Variants in SEM1 observed in about 807,000 individuals in gnomAD.
The protein encoded by SEM1 is 26S proteasome complex subunit SEM1.
A neutral mutation model predicts 12.7 loss-of-function variants in SEM1; 3 were observed. The observed-to-expected ratio is 0.24, with a 90% confidence interval of 0.11 to 0.61. SEM1 has a LOEUF of 0.61. Ranked by LOEUF, SEM1 falls within the 20% of genes least tolerant of loss-of-function variation. The pLI is 0.88. For synonymous variants in SEM1, 30 were observed against 27.8 expected (o/e 1.08, Z -0.25); for missense variants, 59 against 81.3 (o/e 0.73, Z 1.06).
chr7:96,500,212 C>T, upstream of SEM1, among the ~76,000 whole-genome samples: 1 of 151,768 alleles, frequency 6.6e-6, no homozygotes, highest in Non-Finnish European at 1.5e-5. Context: ...ACACCCAGGG[C>T]AGTCTTGAGA....
downstream of SEM1, chr7:96,622,285 T>C (rs1377674910): frequency 1.2e-5 from 3 of 259,596 alleles, no homozygotes; most frequent in South Asian, 1.4e-4. Context: ...AAAATAAAAC[T>C]AATGTGCTAA....
At chr7:96,630,627 T>G (rs968415892) in intron 2 of SEM1, among the ~76,000 whole-genome samples, 2 of 152,170 alleles carry the variant, frequency 1.3e-5, no homozygotes, top group African/African-American at 4.8e-5. Context: ...TCTATCCCCC[T>G]GTAGCCAAGG....
At chr7:96,693,788 G>GTA (rs1254488297) in intron 2 of SEM1, among the ~76,000 whole-genome samples, 4 of 147,922 alleles carry the variant, frequency 2.7e-5, no homozygotes, top group Non-Finnish European at 6.0e-5. Flanking sequence ...GTGTGTGTGT[G>GTA]TGTATATATA....
rs377113629 is a variant in SEM1, at chr7:96,487,161, C to T, written c.13-744G>A. On this transcript the variant is annotated intron_variant, in intron 1 of 3. Coordinates refer to the SEM1 transcript ENST00000356686. The stretch of plus-strand genomic sequence containing the variant: ...ACCAGTAAGTTACTAACCTGAGGTG[C>T]AACTTTTAAGGGAGTATCACACAGT... Among the ~76,000 whole-genome samples, 10 of 141,296 alleles carry T rather than the reference C, an allele frequency of 7.1e-5. No homozygotes were observed. The South Asian group carries it at 2.1e-3, about 29-fold the overall frequency. 92.7% of individuals were successfully genotyped at this position (141,296 alleles called of 152,430 possible).
intron 2 of SEM1, among the ~76,000 whole-genome samples, chr7:96,592,272 C>T (rs1169572867): frequency 1.3e-5 from 2 of 151,820 alleles, no homozygotes. Context: ...TCCTTAGCCT[C>T]GGGCTTCGAT....
At chr7:96,494,107 A>C (rs1164726728) in intron 1 of SEM1, among the ~76,000 whole-genome samples, 1 of 152,162 alleles carries the variant, frequency 6.6e-6, no homozygotes, top group Non-Finnish European at 1.5e-5. Flanking sequence ...ACTGCTTTAC[A>C]CCTAGGAAGA....
chr7:96,599,235 T>G (rs1056481943), intron 2 of SEM1, among the ~76,000 whole-genome samples: 1 of 152,102 alleles, frequency 6.6e-6, no homozygotes, highest in African/African-American at 2.4e-5. Context: ...AATGAACAAG[T>G]ATTTTTTGCC....
upstream of SEM1, among the ~76,000 whole-genome samples, chr7:96,499,126 G>C (rs1803414295): frequency 6.6e-6 from 1 of 152,056 alleles, no homozygotes; most frequent in Admixed American, 6.6e-5. Context: ...TAAATAATGG[G>C]TTTATCCTGA....
At chr7:96,540,746 C>A (rs543720884) in intron 2 of SEM1, among the ~76,000 whole-genome samples, 17 of 151,796 alleles carry the variant, frequency 1.1e-4, no homozygotes, top group African/African-American at 3.6e-4. Flanking sequence ...AGGTTTTCAA[C>A]CCCCCAGTAG....
intron 2 of SEM1, among the ~76,000 whole-genome samples, chr7:96,568,790 TAAAAC>T (rs1805930440): frequency 6.6e-6 from 1 of 151,864 alleles, no homozygotes; most frequent in African/African-American, 2.4e-5. Flanking sequence ...ATAAAATAAA[TAAAAC>T]AAAACTTGTG....
At chr7:96,554,662 T>G (rs939299196) in intron 2 of SEM1, among the ~76,000 whole-genome samples, 1 of 151,706 alleles carries the variant, frequency 6.6e-6, no homozygotes, top group African/African-American at 2.4e-5. Context: ...ATTCTCTTTT[T>G]TTGTTGTGTC....
intron 2 of SEM1, among the ~76,000 whole-genome samples, chr7:96,613,801 G>T (rs779298913): frequency 2.0e-5 from 3 of 152,142 alleles, no homozygotes; most frequent in Admixed American, 6.5e-5. Context: ...TACACTATTT[G>T]TCTCACTATG....
At position 96,508,888 on chromosome 7, in the gene SEM1, T is replaced by C. The variant is rs576469539; in HGVS notation, c.171-2190A>G. Among the ~76,000 whole-genome samples the C allele has an allele frequency of 2.6e-5, 4 of 152,258 alleles. No homozygotes were observed. The South Asian group carries it at 6.2e-4, about 24-fold the overall frequency. Reference sequence around the variant, plus strand: ...AAATAAAGATGTATTCTGTAATACGTCTTTACTTGATAACTCTAAATCAGG... The same window carrying C: ...AAATAAAGATGTATTCTGTAATACGCCTTTACTTGATAACTCTAAATCAGG... On this transcript the variant is annotated intron_variant and NMD_transcript_variant, in intron 2 of 3. Transcript: ENST00000466986.
chr7:96,709,567 C>A lies in SEM1; in HGVS notation c.76+121G>T, dbSNP rs561581649. 13 of 878,774 alleles carry A rather than the reference C, an allele frequency of 1.5e-5. No homozygotes were observed. In the South Asian group the frequency reaches 2.0e-4, roughly 14 times the overall value. 54.4% of individuals were successfully genotyped at this position (878,774 alleles called of 1,614,324 possible). ...GGGTGAGCGTTAGCGCCTCGAGTGC[C>A]GGCCCTGGGAGTCCAAACTTCCCGC... On this transcript the variant is annotated intron_variant, in intron 1 of 2. Transcript: ENST00000248566.
intron 2 of SEM1, among the ~76,000 whole-genome samples, chr7:96,582,715 C>G (rs1242756903): frequency 1.3e-5 from 2 of 152,226 alleles, no homozygotes; most frequent in African/African-American, 4.8e-5. Flanking sequence ...GTGCATGTGT[C>G]CAGAAATTTA....
Position 96,703,639 on chromosome 7 carries a change from G to A in SEM1, c.76+6049C>T, listed in dbSNP as rs111555953. On this transcript the variant is annotated intron_variant, in intron 1 of 2. Transcript: ENST00000248566. Reference sequence around the variant, plus strand: ...TAAAGCTATAAGGTTATTCACTGCAGCATATTCCATTTTTTTTTTTTCTTT... The same window carrying A: ...TAAAGCTATAAGGTTATTCACTGCAACATATTCCATTTTTTTTTTTTCTTT... Among the ~76,000 whole-genome samples the A allele has an allele frequency of 7.7e-3, 1,093 of 142,804 alleles. 6 individuals carry two copies. Among genetic ancestry groups the A allele is most frequent in the Middle Eastern group, 0.035 (10 of 286 alleles). 93.7% of individuals were successfully genotyped at this position (142,804 alleles called of 152,430 possible). A position where few individuals can be genotyped will look rare whatever the true frequency, so the allele number is the denominator to read the frequency against.
chr7:96,590,049 A>G (rs924157051), intron 2 of SEM1, among the ~76,000 whole-genome samples: 27 of 152,222 alleles, frequency 1.8e-4, no homozygotes, highest in African/African-American at 6.3e-4. Context: ...ATTTCTTGCC[A>G]ATTATATTTT....
intron 3 of SEM1, chr7:96,506,498 T>C (rs1205504551): frequency 6.6e-6 from 1 of 152,118 alleles, no homozygotes; most frequent in Non-Finnish European, 1.5e-5. Flanking sequence ...GTTAGAAAAC[T>C]TCAAAATGTC....
chr7:96,553,124 T>G (rs1240585238), intron 2 of SEM1, among the ~76,000 whole-genome samples: 1 of 152,110 alleles, frequency 6.6e-6, no homozygotes, highest in African/African-American at 2.4e-5. Context: ...GTTGCGAAAA[T>G]TTTCTCCTAT....
Sources: allele counts gnomAD v4.1 joint callset (sites outside exome capture counted in the v4.1 genomes callset), GRCh38; gene constraint gnomAD v4.1.1; transcripts MANE v1.5; gene names NCBI Gene and HGNC (gene_info 2026-07-23, HGNC 2026-07-21).